The following SEZ6L variants were observed in gnomAD, a reference collection of about 807,000 sequenced individuals.
SEZ6L encodes seizure related 6 homolog like.
In SEZ6L, 37 loss-of-function variants were observed where a neutral mutation model predicts 106.2. That is an observed-to-expected ratio of 0.35 (90% CI 0.27 to 0.46). The LOEUF (loss-of-function observed/expected upper bound fraction) is 0.46. SEZ6L is among the 20% of genes least tolerant of loss of function. The pLI is 1.00. For synonymous variants in SEZ6L, 541 were observed against 570.4 expected (o/e 0.95, Z 0.73); for missense variants, 1,172 against 1,332.8 (o/e 0.88, Z 1.88).
intron 1 of SEZ6L, among the ~76,000 whole-genome samples, chr22:26,196,585 A>T (rs752190206): frequency 6.6e-6 from 1 of 152,180 alleles, no homozygotes; most frequent in Non-Finnish European, 1.5e-5. Flanking sequence ...AGCCACTGAG[A>T]GGTGTTAAGC....
At chr22:26,225,543 G>A (rs1447336719) in intron 1 of SEZ6L, among the ~76,000 whole-genome samples, 1 of 152,222 alleles carries the variant, frequency 6.6e-6, no homozygotes, top group Non-Finnish European at 1.5e-5. Context: ...GGAATTAGAT[G>A]ACTCGAAGAA....
intron 9 of SEZ6L, among the ~76,000 whole-genome samples, chr22:26,320,184 C>A (rs143132967): frequency 1.3e-5 from 2 of 152,110 alleles, no homozygotes; most frequent in African/African-American, 4.8e-5. Context: ...GAATATCTAG[C>A]GGGAGGGGGA....
intron 1 of SEZ6L, 24 bp from the exon 2 acceptor site, chr22:26,292,382 T>G (rs1422190195): frequency 6.3e-7 from 1 of 1,575,934 alleles, no homozygotes; most frequent in East Asian, 2.2e-5. Context: ...CCAAACTAAC[T>G]GGTGTCTTTT....
intron 1 of SEZ6L, among the ~76,000 whole-genome samples, chr22:26,255,113 T>C (rs1189174133): frequency 6.6e-6 from 1 of 152,220 alleles, no homozygotes; most frequent in African/African-American, 2.4e-5. Flanking sequence ...GTAACGGGCA[T>C]ACCAAAATGT....
Position 26,169,772 on chromosome 22 carries a change from C to G in SEZ6L, c.94+9C>G. 1 of 1,240,544 alleles carries G rather than the reference C, an allele frequency of 8.1e-7. No homozygotes were observed. The allele number at this position is 1,240,544 out of a possible 1,614,324, so 76.8% of individuals were successfully genotyped here. A position where few individuals can be genotyped will look rare whatever the true frequency, so the allele number is the denominator to read the frequency against. ...GGCAGCGCTGGAGCGAGGTAAGCGC[C>G]CCGAGGGGCGGGGCGGGCAGGGGGC... On this transcript the variant is annotated intron_variant, in intron 1 of 16. Transcript: ENST00000248933.
chr22:26,306,772 A>C (rs2081644721), intron 6 of SEZ6L, among the ~76,000 whole-genome samples: 1 of 152,184 alleles, frequency 6.6e-6, no homozygotes, highest in Non-Finnish European at 1.5e-5. Flanking sequence ...AATGTTCTGA[A>C]ATATTCTGGT....
intron 9 of SEZ6L, among the ~76,000 whole-genome samples, chr22:26,334,872 TC>T (rs1302579062): frequency 6.6e-6 from 1 of 152,136 alleles, no homozygotes; most frequent in Non-Finnish European, 1.5e-5. Context: ...ATCCTGCCAC[TC>T]CCAGTCACAG....
chr22:26,258,123 G>T (rs2079883983), intron 1 of SEZ6L, among the ~76,000 whole-genome samples: 1 of 152,160 alleles, frequency 6.6e-6, no homozygotes, highest in African/African-American at 2.4e-5. Flanking sequence ...CCAGATCTGG[G>T]TGGAGAGCTA....
At chr22:26,360,298 A>G (rs1377154380) in intron 12 of SEZ6L, among the ~76,000 whole-genome samples, 1 of 152,092 alleles carries the variant, frequency 6.6e-6, no homozygotes, top group Non-Finnish European at 1.5e-5. Flanking sequence ...AGGTCTAACG[A>G]TTTATCCTTT....
intron 1 of SEZ6L, among the ~76,000 whole-genome samples, chr22:26,282,251 C>T (rs573534951): frequency 2.0e-4 from 30 of 152,324 alleles, no homozygotes; most frequent in African/African-American, 5.1e-4. Flanking sequence ...TCTACAATCA[C>T]GTAACTAGTC....
At chr22:26,201,382 C>CAAAAAAAAAAAAAAAAA (rs71192905) in intron 1 of SEZ6L, among the ~76,000 whole-genome samples, 337 of 74,706 alleles carry the variant, frequency 4.5e-3, no homozygotes, top group Non-Finnish European at 5.2e-3. Flanking sequence ...TACAAAAATA[C>CAAAAAAAAAAAAAAAAA]AAAAAAAAAA....
chr22:26,313,869 G>A lies in SEZ6L; in HGVS notation c.1982G>A (p.Gly661Glu). ...GEDCIWKIHVGEEKRIFLDIQ... is the reference protein window; with the variant it reads ...GEDCIWKIHVEEEKRIFLDIQ... ...GATTGTATCTGGAAGATCCACGTGG[G>A]AGAAGAGAAACGGATCTTCTTAGAT... Residue 661 changes from glycine to glutamate, a missense_variant, in exon 9 of 17, where the codon GGA becomes GAA. Transcript: ENST00000248933. The A allele has an allele frequency of 6.2e-7, 1 of 1,610,016 alleles. No individual in the cohort carries two copies. The highest frequency in any genetic ancestry group is 8.5e-7 in the Non-Finnish European group (1 of 1,176,434).
In SEZ6L at chr22:26,270,306, G is replaced by C. The variant is rs1043142169; in HGVS notation, c.95-22100G>C. Among the ~76,000 whole-genome samples, 9 of 152,242 alleles carry C rather than the reference G, an allele frequency of 5.9e-5. No homozygotes were observed. The South Asian group carries it at 1.9e-3, about 32-fold the overall frequency. ...TTTCTTCCTGGGTAACACTAGACAA[G>C]TCACCTTTCCTCCCTGGGCCTCAAT... On this transcript the variant is annotated intron_variant, in intron 1 of 16. Coordinates refer to ENST00000248933, the MANE Select transcript of SEZ6L (RefSeq NM_021115.5).
chr22:26,320,861 C>A (rs2082135102), intron 9 of SEZ6L, among the ~76,000 whole-genome samples: 1 of 152,160 alleles, frequency 6.6e-6, no homozygotes, highest in Admixed American at 6.5e-5. Context: ...AGAGCACCCC[C>A]AGCATCTAGT....
rs146297925 is a variant in SEZ6L, at chr22:26,349,320, T to C, written c.2407+1407T>C. On this transcript the variant is annotated intron_variant, in intron 11 of 16. Transcript: ENST00000248933. ...CATTGGTTAATCTCCTGTCTTGACATTGAAAGACATATATAGCCATATCTT... is the reference window on the plus strand; with the variant it reads ...CATTGGTTAATCTCCTGTCTTGACACTGAAAGACATATATAGCCATATCTT... 5.5e-3 allele frequency among the ~76,000 whole-genome samples: 842 copies of C among 152,360 alleles called. 1 individual carries two copies. The highest frequency in any genetic ancestry group is 8.0e-3 in the Non-Finnish European group (546 of 68,038).
chr22:26,358,166 CTG>C (rs1320819109), intron 12 of SEZ6L, among the ~76,000 whole-genome samples: 1 of 152,208 alleles, frequency 6.6e-6, no homozygotes, highest in Non-Finnish European at 1.5e-5. Flanking sequence ...TTAGAAATCT[CTG>C]TCTCTGGGAA....
At chr22:26,325,916 G>A (rs866417325) in intron 9 of SEZ6L, among the ~76,000 whole-genome samples, 2 of 130,306 alleles carry the variant, frequency 1.5e-5, no homozygotes, top group Non-Finnish European at 3.2e-5. Flanking sequence ...TCCTTTGCAC[G>A]ATCACACACA....
At chr22:26,348,646 A>AAGAAAGAAAGAAAGAAAAAGAAAGAAAG (rs1556371589) in intron 11 of SEZ6L, among the ~76,000 whole-genome samples, 2 of 7,694 alleles carry the variant, frequency 2.6e-4, no homozygotes, top group East Asian at 5.2e-3. Flanking sequence ...GAAAGAAAGA[A>AAGAAAGAAAGAAAGAAAAAGAAAGAAAG]AAAGAAAGAA....
intron 1 of SEZ6L, among the ~76,000 whole-genome samples, chr22:26,268,469 CTT>C (rs2080258313): frequency 6.6e-6 from 1 of 152,176 alleles, no homozygotes; most frequent in Admixed American, 6.5e-5. Context: ...CAGTTTGAGT[CTT>C]TCTCCAGTCC....
Sources: allele counts gnomAD v4.1 joint callset (sites outside exome capture counted in the v4.1 genomes callset), GRCh38; gene constraint gnomAD v4.1.1; transcripts MANE v1.5; gene names NCBI Gene and HGNC (gene_info 2026-07-23, HGNC 2026-07-21).